UTP23: variants seen among roughly 807,000 people sequenced by gnomAD.
UTP23 encodes the protein UTP23 small subunit processome component, also known as rRNA-processing protein UTP23 homolog.
Under a neutral mutation model 19.8 loss-of-function variants are expected in UTP23, and 10 were observed. The ratio of observed to expected loss-of-function variants is 0.50; its 90% CI spans 0.31 to 0.86. The LOEUF is 0.86. Ranked by LOEUF, UTP23 falls within the 40% of genes least tolerant of loss-of-function variation. UTP23 has a pLI of 0.05. For synonymous variants in UTP23, 108 were observed against 105.4 expected, an observed-to-expected ratio of 1.02 and a Z score of -0.15; for missense variants, 282 against 293.1, an observed-to-expected ratio of 0.96 and a Z score of 0.28.
chr8:116,772,769 G>A lies in UTP23; in HGVS notation c.*927G>A. On this transcript the variant is annotated 3_prime_UTR_variant, in exon 3 of 3. Coordinates refer to ENST00000309822, the MANE Select transcript of UTP23 (RefSeq NM_032334.3). ...CTAAATTAGTCTGAGGATCAATGAG[G>A]GTCAATTCAGTTAGGAATTGAATAA... 1 of 985,326 alleles carries A rather than the reference G, an allele frequency of 1.0e-6. No homozygotes were observed. The highest frequency in any genetic ancestry group is 1.2e-6 in the Non-Finnish European group (1 of 829,890). The allele number at this position is 985,326 out of a possible 1,614,324, so 61.0% of individuals were successfully genotyped here.
chr8:116,770,070 TG>T, intron 1 of UTP23, 121 bp from the exon 2 acceptor site: 1 of 938,964 alleles, frequency 1.1e-6, no homozygotes, highest in South Asian at 2.3e-5. Context: ...TTAAAGTAAA[TG>T]GTTACCAGAT....
rs1037312055 is a variant in UTP23 at position 116,773,577 on chromosome 8, C to T, written c.*1735C>T. The T allele has an allele frequency of 1.3e-5, 10 of 796,626 alleles. No individual in the cohort carries two copies. Among genetic ancestry groups the T allele is most frequent in the Non-Finnish European group, 1.5e-5 (10 of 658,058 alleles). The allele number at this position is 796,626 out of a possible 1,614,324, so 49.3% of individuals were successfully genotyped here. A position where few individuals can be genotyped will look rare whatever the true frequency, so the allele number is the denominator to read the frequency against. On this transcript the variant is annotated 3_prime_UTR_variant, in exon 3 of 3. Coordinates refer to ENST00000309822, the MANE Select transcript of UTP23 (RefSeq NM_032334.3). ...CTGTAATCCCAGCACTTTGGGAGGC[C>T]GAGGCTGGCAGATCACAAAATTAAG...
In UTP23 at chr8:116,770,316, C is replaced by T. The variant is rs770205942; in HGVS notation, c.313C>T (p.Leu105Phe). ...TGCAGTGAGTGGATCAGAATGTCTG[C>T]TTTCCATGGTTGAAGAGGGAAATCC... ...KNAVSGSECL[L>F]SMVEEGNPHH... Residue 105 changes from leucine to phenylalanine, a missense_variant, in exon 2 of 3, where the codon CTT becomes TTT. Coordinates refer to ENST00000309822, the MANE Select transcript of UTP23 (RefSeq NM_032334.3). The T allele has an allele frequency of 7.4e-6, 12 of 1,613,816 alleles. No homozygotes were observed. In the South Asian group the frequency reaches 1.3e-4, roughly 18 times the overall value.
intron 1 of UTP23, among the ~76,000 whole-genome samples, chr8:116,769,917 G>A (rs1400254066): frequency 1.3e-5 from 2 of 152,098 alleles, no homozygotes; most frequent in African/African-American, 2.4e-5. Flanking sequence ...CAAGGTAAGC[G>A]ACCTAACTTC....
In UTP23 at chr8:116,774,606, A is replaced by G. The variant is rs977559860; in HGVS notation, c.*2764A>G. On this transcript the variant is annotated 3_prime_UTR_variant, in exon 3 of 3. Coordinates refer to ENST00000309822, the MANE Select transcript of UTP23 (RefSeq NM_032334.3). ...TATATTCTATATAAGAATATATTCC[A>G]ATAAGAATATATTCCATACGGGAAT... 2 of 677,040 alleles carry G rather than the reference A, an allele frequency of 3.0e-6. No homozygotes were observed. The highest frequency in any genetic ancestry group is 6.4e-5 in the Admixed American group (1 of 15,658). 41.9% of individuals were successfully genotyped at this position (677,040 alleles called of 1,614,324 possible).
Position 116,769,080 on chromosome 8 carries a change from C to A in UTP23, c.189-1112C>A, listed in dbSNP as rs138814750. Among the ~76,000 whole-genome samples the A allele has an allele frequency of 1.1e-3, 167 of 152,292 alleles. 3 individuals are homozygous for A. The East Asian group carries it at 0.023, about 21-fold the overall frequency. On this transcript the variant is annotated intron_variant, in intron 1 of 2. Transcript: ENST00000309822. Reference sequence around the variant, plus strand: ...ATTTCTTGGCCACTAGTAGTTAGGTCTCTACAGAGTTTACTGATATTCAGG... The same window carrying A: ...ATTTCTTGGCCACTAGTAGTTAGGTATCTACAGAGTTTACTGATATTCAGG...
rs753981887 is a variant in UTP23 at position 116,766,775 on chromosome 8, C to A, written c.172C>A (p.Gln58Lys). 6.4e-7 allele frequency: 1 copy of A among 1,569,620 alleles called. No homozygotes were observed. Among genetic ancestry groups the A allele is most frequent in the Non-Finnish European group, 8.6e-7 (1 of 1,157,582 alleles). The change falls in exon 1 of 3, where the codon CAG becomes AAG. Residue 58 changes from glutamine to lysine, a missense_variant. By Grantham distance (53) the Gln-to-Lys change is moderately conservative. Coordinates refer to ENST00000309822, the MANE Select transcript of UTP23 (RefSeq NM_032334.3). The stretch of plus-strand genomic sequence containing the variant: ...GCCCCGCTACCTCATGGGGGAGACG[C>A]AGCTGTGCACCACAAGGTGGGCCCG... ...QLPRYLMGETQLCTTRCVLKE... is the reference protein window; with the variant it reads ...QLPRYLMGETKLCTTRCVLKE...
rs545608222 is a variant in UTP23, at chr8:116,773,028, T to C, written c.*1186T>C. On this transcript the variant is annotated 3_prime_UTR_variant, in exon 3 of 3. Transcript: ENST00000309822. ...TCTTAATGGTTAAATGTGAGACAGT[T>C]CACATTTATTCCCATAGAAATGTCA... The C allele has an allele frequency of 1.8e-5, 18 of 982,310 alleles. No individual in the cohort carries two copies. In the East Asian group the frequency reaches 2.1e-3, roughly 115 times the overall value. 60.8% of individuals were successfully genotyped at this position (982,310 alleles called of 1,614,324 possible).
At chr8:116,766,965 G>A (rs1020462145) in intron 1 of UTP23, 174 bp downstream of exon 1, 2 of 620,324 alleles carry the variant, frequency 3.2e-6, no homozygotes, top group Non-Finnish European at 5.4e-6. Flanking sequence ...TATAATAGAG[G>A]CAGATTGGAC....
At chr8:116,768,398 A>AT (rs1205470601) in intron 1 of UTP23, among the ~76,000 whole-genome samples, 7 of 152,200 alleles carry the variant, frequency 4.6e-5, no homozygotes, top group Non-Finnish European at 1.0e-4. Context: ...TTCTACAGCA[A>AT]TTTTTCTAAC....
In UTP23 at chr8:116,766,545, T is replaced by C; in HGVS notation, c.-59T>C. 16 of 1,559,538 alleles carry C rather than the reference T, an allele frequency of 1.0e-5. No individual in the cohort carries two copies. Among genetic ancestry groups the C allele is most frequent in the Non-Finnish European group, 1.3e-5 (15 of 1,150,946 alleles). Reference sequence around the variant, plus strand: ...AACTGGCATTGAGGGTACTGGGGCGTGCGTGAGGCGTTTACTGATGCTTCC... The same window carrying C: ...AACTGGCATTGAGGGTACTGGGGCGCGCGTGAGGCGTTTACTGATGCTTCC... On this transcript the variant is annotated 5_prime_UTR_variant, in exon 1 of 3. Coordinates refer to ENST00000309822, the MANE Select transcript of UTP23 (RefSeq NM_032334.3).
Position 116,772,350 on chromosome 8 carries a change from GGC to G in UTP23, c.*509_*510del. Reference sequence around the variant, plus strand: ...TTTAAAAAATCTTACAGTTCTAAAAGGCTTGTGACAAAAAAAGAGGCAGTCCC... The same window carrying G: ...TTTAAAAAATCTTACAGTTCTAAAAGTTGTGACAAAAAAAGAGGCAGTCCC... On this transcript the variant is annotated 3_prime_UTR_variant, in exon 3 of 3. Coordinates refer to ENST00000309822, the MANE Select transcript of UTP23 (RefSeq NM_032334.3). The G allele has an allele frequency of 1.0e-6, 1 of 984,956 alleles. No individual in the cohort carries two copies. Among genetic ancestry groups the G allele is most frequent in the Non-Finnish European group, 1.2e-6 (1 of 829,606 alleles). The allele number at this position is 984,956 out of a possible 1,614,324, so 61.0% of individuals were successfully genotyped here.
chr8:116,771,857 T>A lies in UTP23; in HGVS notation c.*15T>A, dbSNP rs1246665713. On this transcript the variant is annotated 3_prime_UTR_variant, in exon 3 of 3. Transcript: ENST00000309822. ...AAGGAGAATGAATCCTTTGGATACT[T>A]TCAAGGACATTCAAATGTGAAAATG... 1.3e-6 allele frequency: 2 copies of A among 1,527,764 alleles called. No homozygotes were observed. The highest frequency in any genetic ancestry group is 4.6e-5 in the Admixed American group (2 of 43,582). The allele number at this position is 1,527,764 out of a possible 1,614,324, so 94.6% of individuals were successfully genotyped here. A position where few individuals can be genotyped will look rare whatever the true frequency, so the allele number is the denominator to read the frequency against.
Position 116,771,582 on chromosome 8 carries a change from G to A in UTP23, c.490G>A (p.Gly164Ser). The A allele has an allele frequency of 6.2e-7, 1 of 1,613,132 alleles. No individual in the cohort carries two copies. Among genetic ancestry groups the A allele is most frequent in the Non-Finnish European group, 8.5e-7 (1 of 1,179,798 alleles). Residue 164 changes from glycine (G) to serine (S), a missense_variant, in exon 3 of 3, where the codon GGT becomes AGT. By Grantham distance (56) the Gly-to-Ser change is moderately conservative. Transcript: ENST00000309822. ...TIAFVKAVES[G>S]QLVSVHEKES... ...TGCCTTTGTAAAAGCAGTGGAGTCA[G>A]GTCAGCTTGTCTCAGTGCATGAGAA...
rs1554604928 is a variant in UTP23, at chr8:116,771,682, A to G, written c.590A>G (p.Lys197Arg). 6.2e-7 allele frequency: 1 copy of G among 1,612,044 alleles called. No homozygotes were observed. Among genetic ancestry groups the G allele is most frequent in the Non-Finnish European group, 8.5e-7 (1 of 1,179,644 alleles). ...GAACAGAGTAGAAGAAAAAAGCGCA[A>G]GAAAATAAGTGGTCCCAATCCTCTT... ...NTEQSRRKKR[K>R]KISGPNPLSC... Residue 197 changes from lysine (K) to arginine (R), a missense_variant, in exon 3 of 3, where the codon AAG becomes AGG. Transcript: ENST00000309822.
chr8:116,771,882 G>T lies in UTP23; in HGVS notation c.*40G>T. On this transcript the variant is annotated 3_prime_UTR_variant, in exon 3 of 3. Coordinates refer to ENST00000309822, the MANE Select transcript of UTP23 (RefSeq NM_032334.3). Reference sequence around the variant, plus strand: ...TTCAAGGACATTCAAATGTGAAAATGAATTTTTTACAACTAGAAGTATTTA... The same window carrying T: ...TTCAAGGACATTCAAATGTGAAAATTAATTTTTTACAACTAGAAGTATTTA... 1 of 1,497,288 alleles carries T rather than the reference G, an allele frequency of 6.7e-7. No homozygotes were observed. Among genetic ancestry groups the T allele is most frequent in the South Asian group, 1.4e-5 (1 of 70,968 alleles). 92.8% of individuals were successfully genotyped at this position (1,497,288 alleles called of 1,614,324 possible).
chr8:116,772,072 C>T lies in UTP23; in HGVS notation c.*230C>T. The T allele has an allele frequency of 1.8e-6, 2 of 1,142,156 alleles. No homozygotes were observed. Among genetic ancestry groups the T allele is most frequent in the Non-Finnish European group, 1.1e-6 (1 of 925,754 alleles). The allele number at this position is 1,142,156 out of a possible 1,614,324, so 70.8% of individuals were successfully genotyped here. On this transcript the variant is annotated 3_prime_UTR_variant, in exon 3 of 3. Transcript: ENST00000309822. ...TGGTGCACAGTTGTAATTCCAGCTA[C>T]TCAGGAGGCTGAGGCATGAGAATCG...
chr8:116,768,821 C>T (rs908651247), intron 1 of UTP23, among the ~76,000 whole-genome samples: 3 of 152,232 alleles, frequency 2.0e-5, no homozygotes, highest in East Asian at 1.9e-4. Flanking sequence ...TGTGACACCA[C>T]GTCCTACTAA....
rs1815698463 is a variant in UTP23 at position 116,774,491 on chromosome 8, T to TA, written c.*2650dup. ...TTAAAAAATGTTTGCTTACTATCTA[T>TA]ATATATGACATTATTCCCAATTAGT... is the stretch of plus-strand genomic sequence containing the variant. On this transcript the variant is annotated 3_prime_UTR_variant, in exon 3 of 3. Coordinates refer to ENST00000309822, the MANE Select transcript of UTP23 (RefSeq NM_032334.3). 2.9e-5 allele frequency: 26 copies of TA among 898,732 alleles called. No individual in the cohort carries two copies. Among genetic ancestry groups the TA allele is most frequent in the Non-Finnish European group, 3.3e-5 (25 of 751,508 alleles). The allele number at this position is 898,732 out of a possible 1,614,324, so 55.7% of individuals were successfully genotyped here. A position where few individuals can be genotyped will look rare whatever the true frequency, so the allele number is the denominator to read the frequency against.
Sources: gnomAD v4.1 joint callset for allele counts (sites outside exome capture counted in the v4.1 genomes callset) on GRCh38, gnomAD v4.1.1 for gene constraint, MANE v1.5 for transcripts, NCBI Gene and HGNC (gene_info 2026-07-23, HGNC 2026-07-21) for gene names.